Variants in BICD1 observed in about 807,000 individuals in gnomAD.
The protein encoded by BICD1 is BICD cargo adaptor 1.
BICD1 carries 35 observed loss-of-function variants against 92.5 expected under a neutral mutation model. The ratio of observed to expected loss-of-function variants is 0.38; its 90% CI spans 0.29 to 0.50. The LOEUF (loss-of-function observed/expected upper bound fraction) is 0.50. Ranked by LOEUF, BICD1 falls within the 20% of genes least tolerant of loss-of-function variation. BICD1 has a pLI of 0.93. For synonymous variants in BICD1, 429 were observed against 465.1 expected, an observed-to-expected ratio of 0.92 and a Z score of 1.00; for missense variants, 950 against 1,189.8, an observed-to-expected ratio of 0.80 and a Z score of 2.97.
chr12:32,333,864 T>G (rs950114682), intron 5 of BICD1, among the ~76,000 whole-genome samples: 5 of 152,256 alleles, frequency 3.3e-5, no homozygotes, highest in African/African-American at 1.2e-4. Context: ...ATTCAACATT[T>G]TATAACCCCT....
At chr12:32,130,943 T>G (rs1023866788) in intron 1 of BICD1, among the ~76,000 whole-genome samples, 1 of 152,122 alleles carries the variant, frequency 6.6e-6, no homozygotes, top group Non-Finnish European at 1.5e-5. Context: ...GTTCAAGCAA[T>G]TCTCCTGCCT....
chr12:32,167,172 T>C (rs1248903465), intron 1 of BICD1, among the ~76,000 whole-genome samples: 4 of 152,238 alleles, frequency 2.6e-5, no homozygotes, highest in Non-Finnish European at 5.9e-5. Context: ...GAGTCAAGTT[T>C]AGATTATCTA....
intron 1 of BICD1, among the ~76,000 whole-genome samples, chr12:32,142,860 G>A (rs1184201682): frequency 6.6e-6 from 1 of 152,120 alleles, no homozygotes; most frequent in African/African-American, 2.4e-5. Flanking sequence ...CTTGCATGCA[G>A]CACAATTTGA....
At chr12:32,325,567 G>A (rs1209429513) in intron 4 of BICD1, among the ~76,000 whole-genome samples, 1 of 151,976 alleles carries the variant, frequency 6.6e-6, no homozygotes, top group African/African-American at 2.4e-5. Context: ...GTTAAATGAG[G>A]GGCATTAGGT....
At chr12:32,109,544 A>G (rs1941611123) in intron 1 of BICD1, 1 of 151,968 alleles carries the variant, frequency 6.6e-6, no homozygotes, top group African/African-American at 2.4e-5. Flanking sequence ...ATTTTAATAT[A>G]TATTTTGTTC....
At chr12:32,116,500 C>CTATA (rs1565525044) in intron 1 of BICD1, among the ~76,000 whole-genome samples, 25 of 73,530 alleles carry the variant, frequency 3.4e-4, no homozygotes, top group East Asian at 1.1e-3. Flanking sequence ...CTTTCTCTCT[C>CTATA]TCTCTCTCTC....
chr12:32,207,910 A>G (rs1347086603), intron 1 of BICD1, among the ~76,000 whole-genome samples: 2 of 152,218 alleles, frequency 1.3e-5, no homozygotes, highest in African/African-American at 4.8e-5. Flanking sequence ...ATAATGAGGT[A>G]AACGGCCACC....
At chr12:32,295,564 T>C (rs1222660655) in intron 3 of BICD1, among the ~76,000 whole-genome samples, 2 of 151,912 alleles carry the variant, frequency 1.3e-5, no homozygotes, top group African/African-American at 4.8e-5. Flanking sequence ...CACTGATTGA[T>C]TGATTGATTG....
rs543917539 is a variant in BICD1 at position 32,234,340 on chromosome 12, G to A, written c.426+17881G>A. Among the ~76,000 whole-genome samples, 14 of 152,268 alleles carry A rather than the reference G, an allele frequency of 9.2e-5. 1 individual carries two copies. In the South Asian group the frequency reaches 2.5e-3, roughly 27 times the overall value. Reference sequence around the variant, plus strand: ...AGGCAGGGCGTGGTGGCTCACGCCTGTAATCCCAGCACTTTGGGAGGCCGA... The same window carrying A: ...AGGCAGGGCGTGGTGGCTCACGCCTATAATCCCAGCACTTTGGGAGGCCGA... On this transcript the variant is annotated intron_variant, in intron 2 of 9. Coordinates refer to ENST00000652176, the MANE Select transcript of BICD1 (RefSeq NM_001714.4).
rs1213475352 is a variant in BICD1 at position 32,379,723 on chromosome 12, A to C, written c.*2096A>C. The C allele has an allele frequency of 3.3e-5, 5 of 152,176 alleles. No homozygotes were observed. Among genetic ancestry groups the C allele is most frequent in the Non-Finnish European group, 7.3e-5 (5 of 68,036 alleles). The allele number at this position is 152,176 out of a possible 1,614,324, so 9.4% of individuals were successfully genotyped here. A position where few individuals can be genotyped will look rare whatever the true frequency, so the allele number is the denominator to read the frequency against. On this transcript the variant is annotated 3_prime_UTR_variant, in exon 10 of 10. Transcript: ENST00000652176. ...GACCTGAGAAGTGGCATAGCTGCTA[A>C]GTTGACTTTTAATAAAAAACTGTTT...
intron 1 of BICD1, among the ~76,000 whole-genome samples, chr12:32,183,411 C>T (rs1481022267): frequency 6.6e-6 from 1 of 151,784 alleles, no homozygotes; most frequent in Non-Finnish European, 1.5e-5. Context: ...ATTACAGGCA[C>T]GCGCGCCATC....
intron 1 of BICD1, 147 bp from the exon 2 acceptor site, chr12:32,216,100 T>C: frequency 1.7e-6 from 1 of 572,656 alleles, no homozygotes; most frequent in South Asian, 3.6e-5. Context: ...CAAGCATCAG[T>C]GAGAGCTGCT....
chr12:32,330,780 T>C lies in BICD1; in HGVS notation c.2100+2225T>C, dbSNP rs556831786. ...AGGCTTACACAAGGACATGCTATCCTGGGGCATTCTTGATCAAGCCATCCA... is the reference window on the plus strand; with the variant it reads ...AGGCTTACACAAGGACATGCTATCCCGGGGCATTCTTGATCAAGCCATCCA... On this transcript the variant is annotated intron_variant, in intron 5 of 9. Transcript: ENST00000652176. Among the ~76,000 whole-genome samples the C allele has an allele frequency of 5.9e-5, 9 of 152,300 alleles. No homozygotes were observed. The South Asian group carries it at 8.3e-4, about 14-fold the overall frequency.
At chr12:32,120,554 G>A (rs762460293) in intron 1 of BICD1, among the ~76,000 whole-genome samples, 14 of 152,132 alleles carry the variant, frequency 9.2e-5, no homozygotes, top group Non-Finnish European at 1.9e-4. Flanking sequence ...AACTGAAAGA[G>A]GTTTATATTG....
At chr12:32,277,649 A>AT (rs1225305147) in intron 2 of BICD1, among the ~76,000 whole-genome samples, 1 of 152,234 alleles carries the variant, frequency 6.6e-6, no homozygotes, top group Admixed American at 6.5e-5. Context: ...GATCTCTGCT[A>AT]TACACACATA....
intron 3 of BICD1, among the ~76,000 whole-genome samples, chr12:32,294,695 T>G (rs527950299): frequency 1.3e-5 from 2 of 150,740 alleles, no homozygotes; most frequent in African/African-American, 4.9e-5. Context: ...CTACAATCAC[T>G]GGTCTCTCAC....
chr12:32,253,580 T>TTA (rs1456445523), intron 2 of BICD1, among the ~76,000 whole-genome samples: 2 of 152,204 alleles, frequency 1.3e-5, no homozygotes, highest in Non-Finnish European at 2.9e-5. Context: ...AAGCTTCCAA[T>TTA]TAATGCTTAT....
intron 2 of BICD1, among the ~76,000 whole-genome samples, chr12:32,252,549 T>C (rs942128749): frequency 6.6e-6 from 1 of 152,160 alleles, no homozygotes; most frequent in African/African-American, 2.4e-5. Flanking sequence ...TACCTGCATT[T>C]AGTTCAGTCA....
chr12:32,244,636 T>A (rs1024138039), intron 2 of BICD1, among the ~76,000 whole-genome samples: 2 of 151,424 alleles, frequency 1.3e-5, no homozygotes, highest in African/African-American at 4.9e-5. Flanking sequence ...AGGATTTTTT[T>A]TTTTTTTTTT....
Sources: allele counts gnomAD v4.1 joint callset (sites outside exome capture counted in the v4.1 genomes callset), GRCh38; gene constraint gnomAD v4.1.1; transcripts MANE v1.5; gene names NCBI Gene and HGNC (gene_info 2026-07-23, HGNC 2026-07-21).